The following DEPTOR variants were observed in gnomAD, a reference collection of about 807,000 sequenced individuals.
The protein encoded by DEPTOR is DEP domain-containing mTOR-interacting protein.
DEPTOR carries 41 observed loss-of-function variants against 41.6 expected under a neutral mutation model. The ratio of observed to expected loss-of-function variants is 0.98; its 90% CI spans 0.77 to 1.28. The LOEUF (loss-of-function observed/expected upper bound fraction) is 1.28. Ranked by LOEUF, DEPTOR falls within the 50% of genes most tolerant of loss-of-function variation. DEPTOR has a pLI of 0.00. For synonymous variants in DEPTOR, 195 were observed against 192.3 expected, an observed-to-expected ratio of 1.01 and a Z score of -0.12; for missense variants, 514 against 527.9, an observed-to-expected ratio of 0.97 and a Z score of 0.26.
intron 8 of DEPTOR, among the ~76,000 whole-genome samples, chr8:120,042,504 C>T (rs1024804044): frequency 1.3e-5 from 2 of 152,064 alleles, no homozygotes; most frequent in African/African-American, 4.8e-5. Flanking sequence ...TTCTAACAGC[C>T]TAAATCTATT....
chr8:120,024,185 C>T (rs1315656666), intron 8 of DEPTOR, among the ~76,000 whole-genome samples: 3 of 151,966 alleles, frequency 2.0e-5, no homozygotes, highest in Non-Finnish European at 2.9e-5. Context: ...TGCAGTGAGC[C>T]GAGATTGCGC....
At chr8:120,021,786 C>T (rs1173431715) in intron 8 of DEPTOR, among the ~76,000 whole-genome samples, 1 of 152,050 alleles carries the variant, frequency 6.6e-6, no homozygotes, top group African/African-American at 2.4e-5. Flanking sequence ...GGTATCAAGC[C>T]CATGCCCATA....
At chr8:119,992,185 A>C (rs2130054998) in intron 4 of DEPTOR, among the ~76,000 whole-genome samples, 1 of 152,320 alleles carries the variant, frequency 6.6e-6, no homozygotes, top group South Asian at 2.1e-4. Flanking sequence ...GAATGGTTGG[A>C]TAGAGTGCCA....
At chr8:119,976,227 A>G (rs1235262010) in intron 4 of DEPTOR, among the ~76,000 whole-genome samples, 5 of 152,074 alleles carry the variant, frequency 3.3e-5, no homozygotes, top group African/African-American at 1.2e-4. Context: ...AGTCAAGAAG[A>G]AGAAATGGAG....
intron 1 of DEPTOR, among the ~76,000 whole-genome samples, chr8:119,918,744 C>T (rs138397435): frequency 3.3e-5 from 5 of 152,240 alleles, no homozygotes; most frequent in African/African-American, 1.2e-4. Flanking sequence ...TAGGCGTGTG[C>T]CACCGCGCCC....
At chr8:120,004,287 A>C (rs7820945) in intron 6 of DEPTOR, among the ~76,000 whole-genome samples, 23,093 of 152,164 alleles carry the variant, frequency 0.15, 2,846 homozygotes, top group African/African-American at 0.33. Flanking sequence ...GAGTGTTAGC[A>C]GCAGGAATAA....
intron 8 of DEPTOR, 78 bp from the exon 9 acceptor site, chr8:120,049,497 GC>G: frequency 6.5e-7 from 1 of 1,536,670 alleles, no homozygotes; most frequent in Non-Finnish European, 8.8e-7. Flanking sequence ...ACCTGTTAGG[GC>G]TACACACTGT....
chr8:119,959,654 C>A (rs1301553360), intron 3 of DEPTOR, among the ~76,000 whole-genome samples: 1 of 151,932 alleles, frequency 6.6e-6, no homozygotes, highest in African/African-American at 2.4e-5. Context: ...AGCCTCCCAC[C>A]ACAGTAGCTG....
rs1193626227 is a variant in DEPTOR, at chr8:119,965,182, G to C, written c.426-50G>C. On this transcript the variant is annotated intron_variant, in intron 3 of 8. Transcript: ENST00000286234. ...GGAAATCTATGATTTCAAATGAGCTGTTTTCCTTTCGTATAGGTTTACTTT... is the reference window on the plus strand; with the variant it reads ...GGAAATCTATGATTTCAAATGAGCTCTTTTCCTTTCGTATAGGTTTACTTT... 1.9e-6 allele frequency: 3 copies of C among 1,546,312 alleles called. No individual in the cohort carries two copies. In the East Asian group the frequency reaches 6.8e-5, roughly 35 times the overall value.
chr8:119,946,348 A>G (rs992033937), intron 3 of DEPTOR, among the ~76,000 whole-genome samples: 1 of 152,124 alleles, frequency 6.6e-6, no homozygotes, highest in African/African-American at 2.4e-5. Flanking sequence ...TAATCTCCAT[A>G]AACTGAACAT....
intron 4 of DEPTOR, among the ~76,000 whole-genome samples, chr8:119,981,001 C>G (rs17222771): frequency 0.036 from 5,407 of 152,260 alleles, 94 homozygotes; most frequent in African/African-American, 0.042. Context: ...TTCTTTCTCT[C>G]TCAGTTTTTG....
intron 4 of DEPTOR, among the ~76,000 whole-genome samples, chr8:120,000,859 G>A (rs1812336089): frequency 6.6e-6 from 1 of 151,364 alleles, no homozygotes; most frequent in African/African-American, 2.4e-5. Context: ...GAGTGGATCA[G>A]TTGAGGTCAG....
chr8:120,022,883 T>C (rs1354832357), intron 8 of DEPTOR, among the ~76,000 whole-genome samples: 2 of 152,128 alleles, frequency 1.3e-5, no homozygotes, highest in Non-Finnish European at 2.9e-5. Context: ...AACTGACCTG[T>C]ACCTGGAAGA....
At chr8:119,971,501 CAA>C (rs1457875610) in intron 4 of DEPTOR, among the ~76,000 whole-genome samples, 3 of 152,160 alleles carry the variant, frequency 2.0e-5, no homozygotes, top group Non-Finnish European at 4.4e-5. Flanking sequence ...GCAGACCTGG[CAA>C]AAGTCTGACC....
intron 3 of DEPTOR, among the ~76,000 whole-genome samples, chr8:119,932,348 A>G (rs1466529633): frequency 6.6e-6 from 1 of 152,184 alleles, no homozygotes; most frequent in East Asian, 1.9e-4. Flanking sequence ...GGCAGGGATC[A>G]GCTATAATTG....
intron 6 of DEPTOR, among the ~76,000 whole-genome samples, chr8:120,004,634 T>C (rs2130090448): frequency 6.6e-6 from 1 of 152,194 alleles, no homozygotes; most frequent in East Asian, 1.9e-4. Context: ...TGTTTCCTCT[T>C]TCTCCTTGCC....
rs984431286 is a variant in DEPTOR at position 119,898,447 on chromosome 8, G to C, written c.122+24479G>C. On this transcript the variant is annotated intron_variant, in intron 1 of 8. Coordinates refer to ENST00000286234, the MANE Select transcript of DEPTOR (RefSeq NM_022783.4). ...TTTTAAAAGCCTTGTATTGGGCTGG[G>C]TGTGGTGGCTTACGTGTGTAATCCC... 3.3e-5 allele frequency among the ~76,000 whole-genome samples: 5 copies of C among 152,176 alleles called. 1 individual carries two copies. Among genetic ancestry groups the C allele is most frequent in the Admixed American group, 2.6e-4 (4 of 15,266 alleles).
intron 3 of DEPTOR, among the ~76,000 whole-genome samples, chr8:119,949,491 C>T (rs1315229567): frequency 2.6e-5 from 4 of 152,218 alleles, no homozygotes; most frequent in African/African-American, 9.6e-5. Context: ...TTCCCACCAA[C>T]AGTGTATGAG....
At chr8:119,910,687 C>T (rs935501174) in intron 1 of DEPTOR, among the ~76,000 whole-genome samples, 6 of 152,034 alleles carry the variant, frequency 3.9e-5, no homozygotes, top group Middle Eastern at 3.2e-3. Context: ...GTAATCCACC[C>T]GCCTCAACCT....
Sources: allele counts gnomAD v4.1 joint callset (sites outside exome capture counted in the v4.1 genomes callset), GRCh38; gene constraint gnomAD v4.1.1; transcripts MANE v1.5; gene names NCBI Gene and HGNC (gene_info 2026-07-23, HGNC 2026-07-21).